The following TRIOBP variants were observed in gnomAD, a reference collection of about 807,000 sequenced individuals.
The protein encoded by TRIOBP is TRIO and F-actin-binding protein.
A neutral mutation model predicts 238.8 loss-of-function variants in TRIOBP; 169 were observed. The observed-to-expected ratio is 0.71, with a 90% confidence interval of 0.62 to 0.80. The LOEUF is 0.80. Among genes scored for constraint, TRIOBP ranks in the 30% least tolerant of loss-of-function variants. The pLI, the probability that TRIOBP is intolerant of heterozygous loss-of-function variation, is 0.00. For missense variants in TRIOBP, 2,838 were observed against 3,122.6 expected, an observed-to-expected ratio of 0.91 and a Z score of 2.17; for synonymous variants, 1,150 against 1,274.4, an observed-to-expected ratio of 0.90 and a Z score of 2.08.
chr22:37,722,237 A>G (rs1347308841), intron 6 of TRIOBP, among the ~76,000 whole-genome samples: 8 of 152,090 alleles, frequency 5.3e-5, no homozygotes, highest in Non-Finnish European at 1.0e-4. Flanking sequence ...GTCGCACAGG[A>G]AACAGGCTCA....
At chr22:37,714,952 C>G (rs1923438815) in intron 5 of TRIOBP, among the ~76,000 whole-genome samples, 1 of 152,118 alleles carries the variant, frequency 6.6e-6, no homozygotes, top group Non-Finnish European at 1.5e-5. Flanking sequence ...AGGTGTGGCA[C>G]CACTCACTGT....
chr22:37,721,032 T>A (rs867903042), intron 6 of TRIOBP, among the ~76,000 whole-genome samples: 2 of 151,638 alleles, frequency 1.3e-5, no homozygotes, highest in South Asian at 2.1e-4. Context: ...TAATTTTTTT[T>A]TTTTTTTTTT....
chr22:37,723,345 A>G lies in TRIOBP; in HGVS notation c.789A>G (p.Gln263=). ...RSTTSQASPA[Q]RDTAQAASTR... ...CCACGTCTCAGGCTTCTCCTGCCCA[A>G]AGGGACACTGCTCAGGCTGCCTCTA... The change falls in exon 7 of 24, where the codon CAA becomes CAG. Residue 263 remains glutamine, a synonymous_variant. Transcript: ENST00000644935. 1 of 1,614,046 alleles carries G rather than the reference A, an allele frequency of 6.2e-7. No individual in the cohort carries two copies. Among genetic ancestry groups the G allele is most frequent in the Non-Finnish European group, 8.5e-7 (1 of 1,179,960 alleles).
At chr22:37,772,543 G>A (rs1464111415) in intron 22 of TRIOBP, 58 bp from the exon 23 acceptor site, 25 of 1,611,776 alleles carry the variant, frequency 1.6e-5, no homozygotes, top group East Asian at 8.9e-5. Flanking sequence ...CCATGTGCCC[G>A]GTTGGCAGGG....
intron 9 of TRIOBP, 139 bp downstream of exon 9, chr22:37,735,581 C>T (rs779642634): frequency 2.0e-6 from 2 of 1,005,118 alleles, no homozygotes; most frequent in Non-Finnish European, 3.0e-6. Flanking sequence ...CCCTGCTGAC[C>T]ACAACCCATC....
chr22:37,715,152 T>C (rs1923446743), intron 5 of TRIOBP, among the ~76,000 whole-genome samples: 1 of 151,968 alleles, frequency 6.6e-6, no homozygotes, highest in Admixed American at 6.6e-5. Flanking sequence ...GTATCTGGGA[T>C]TACAGGCGCC....
chr22:37,717,906 G>C (rs946591539), intron 6 of TRIOBP, among the ~76,000 whole-genome samples: 35 of 152,226 alleles, frequency 2.3e-4, no homozygotes, highest in African/African-American at 8.4e-4. Flanking sequence ...GCTCATCGGG[G>C]AGGCTCGGGC....
chr22:37,700,762 G>C (rs1922603126), intron 2 of TRIOBP, among the ~76,000 whole-genome samples: 1 of 152,144 alleles, frequency 6.6e-6, no homozygotes, highest in Non-Finnish European at 1.5e-5. Context: ...CGCAATCTTG[G>C]CTCACTGCAA....
At chr22:37,717,260 C>T (rs945552153) in intron 6 of TRIOBP, among the ~76,000 whole-genome samples, 2 of 152,182 alleles carry the variant, frequency 1.3e-5, no homozygotes, top group Non-Finnish European at 2.9e-5. Flanking sequence ...TGCAGACCTT[C>T]GTGGTGAGCG....
At chr22:37,700,387 C>G (rs929385063) in intron 2 of TRIOBP, among the ~76,000 whole-genome samples, 4 of 151,252 alleles carry the variant, frequency 2.6e-5, no homozygotes, top group Non-Finnish European at 5.9e-5. Context: ...AAGAGATCCT[C>G]CCACCTCTGC....
chr22:37,710,276 G>A (rs2145818941), intron 3 of TRIOBP, 151 bp from the exon 4 acceptor site: 1 of 1,204,608 alleles, frequency 8.3e-7, no homozygotes, highest in South Asian at 1.4e-5. Flanking sequence ...GTCCCAAGGG[G>A]TGCTTCTAGC....
At chr22:37,716,782 A>T (rs1186763319) in intron 6 of TRIOBP, among the ~76,000 whole-genome samples, 1 of 152,250 alleles carries the variant, frequency 6.6e-6, no homozygotes, top group Non-Finnish European at 1.5e-5. Context: ...CCTGTGCCTC[A>T]GGAAGTTCCC....
At chr22:37,746,264 G>C in intron 11 of TRIOBP, 1 of 1,087,012 alleles carries the variant, frequency 9.2e-7, no homozygotes, top group Non-Finnish European at 1.1e-6. Flanking sequence ...GGCCGGGGCA[G>C]CGTCGGGGAA....
At chr22:37,747,225 C>T (rs1925329109) in intron 11 of TRIOBP, among the ~76,000 whole-genome samples, 1 of 152,194 alleles carries the variant, frequency 6.6e-6, no homozygotes, top group Non-Finnish European at 1.5e-5. Flanking sequence ...GTGAGTTGCC[C>T]GAGGTCACCC....
At chr22:37,735,505 T>C (rs980937481) in intron 9 of TRIOBP, 63 bp downstream of exon 9, 28 of 1,528,194 alleles carry the variant, frequency 1.8e-5, no homozygotes, top group East Asian at 2.4e-5. Context: ...CCAAGTCTCC[T>C]TGGAAAAGCC....
At chr22:37,716,018 G>C (rs1008410255) in intron 6 of TRIOBP, 84 bp downstream of exon 6, 2 of 1,501,472 alleles carry the variant, frequency 1.3e-6, no homozygotes, top group East Asian at 2.3e-5. Context: ...TGGGACTCTG[G>C]GCACGGCTTA....
At chr22:37,739,130 T>G (rs1275211250) in intron 10 of TRIOBP, among the ~76,000 whole-genome samples, 12 of 152,056 alleles carry the variant, frequency 7.9e-5, no homozygotes. Context: ...CAGCCAGGCC[T>G]GGAGGGTCTC....
chr22:37,721,433 C>T (rs1190880283), intron 6 of TRIOBP, among the ~76,000 whole-genome samples: 2 of 152,106 alleles, frequency 1.3e-5, no homozygotes, highest in Non-Finnish European at 2.9e-5. Flanking sequence ...CTTAAGAAGG[C>T]GTGAAGGGAG....
intron 19 of TRIOBP, 110 bp from the exon 20 acceptor site, chr22:37,768,918 C>G (rs368616544): frequency 6.6e-7 from 1 of 1,517,298 alleles, no homozygotes; most frequent in East Asian, 2.3e-5. Context: ...AAAGGCAAAC[C>G]TAGAGAGGGA....
Sources: allele counts gnomAD v4.1 joint callset (sites outside exome capture counted in the v4.1 genomes callset), GRCh38; gene constraint gnomAD v4.1.1; transcripts MANE v1.5; gene names NCBI Gene and HGNC (gene_info 2026-07-23, HGNC 2026-07-21).